MRAP2: variants seen among roughly 807,000 people sequenced by gnomAD.
The protein encoded by MRAP2 is melanocortin 2 receptor accessory protein 2.
MRAP2 carries 20 observed loss-of-function variants against 17.4 expected under a neutral mutation model. The observed-to-expected ratio is 1.15, with a 90% confidence interval of 0.81 to 1.67. MRAP2 has a LOEUF of 1.67. Ranked by LOEUF, MRAP2 falls within the 40% of genes most tolerant of loss-of-function variation. The pLI, the probability that MRAP2 is intolerant of heterozygous loss-of-function variation, is 0.00. For missense variants in MRAP2, 238 were observed against 240.0 expected, an observed-to-expected ratio of 0.99 and a Z score of 0.05; for synonymous variants, 96 against 88.4, an observed-to-expected ratio of 1.09 and a Z score of -0.48.
intron 1 of MRAP2, chr6:84,052,711 C>T (rs2099490750): frequency 2.7e-5 from 16 of 596,462 alleles, no homozygotes; most frequent in Non-Finnish European, 3.2e-5. Context: ...TGAAGGCTAC[C>T]CAGGCAACTG....
At chr6:84,071,767 C>T (rs986715655) in intron 3 of MRAP2, among the ~76,000 whole-genome samples, 3 of 152,046 alleles carry the variant, frequency 2.0e-5, no homozygotes, top group African/African-American at 7.2e-5. Context: ...TTGGAGGCTT[C>T]TTTCGTATTT....
chr6:84,107,091 A>G, the MRAP2 span, among the ~76,000 whole-genome samples: 18 of 152,234 alleles, frequency 1.2e-4, no homozygotes, highest in East Asian at 3.1e-3. Context: ...CTCAAGCACC[A>G]TTGGATCTGC....
chr6:84,131,940 T>A, the MRAP2 span, among the ~76,000 whole-genome samples: 3 of 152,238 alleles, frequency 2.0e-5, no homozygotes, highest in Non-Finnish European at 4.4e-5. Context: ...CTAGCACTGA[T>A]GGTCTTTACA....
chr6:84,136,897 C>T, the MRAP2 span, among the ~76,000 whole-genome samples: 6 of 152,278 alleles, frequency 3.9e-5, no homozygotes, highest in Admixed American at 6.5e-5. Flanking sequence ...GAATGGCCAT[C>T]GGCCACACAC....
At chr6:84,111,126 T>C in the MRAP2 span, among the ~76,000 whole-genome samples, 1 of 152,186 alleles carries the variant, frequency 6.6e-6, no homozygotes, top group Admixed American at 6.5e-5. Flanking sequence ...TATTTTTTTT[T>C]CCAATTCTGT....
At chr6:84,078,482 C>A (rs2099498161) in intron 3 of MRAP2, among the ~76,000 whole-genome samples, 1 of 152,254 alleles carries the variant, frequency 6.6e-6, no homozygotes, top group Non-Finnish European at 1.5e-5. Context: ...ATTGACAACA[C>A]CAAATGTTGG....
chr6:84,049,981 C>CGTGTGTGT lies in MRAP2; in HGVS notation c.-7-5331_-7-5330insGTGTGTGT, dbSNP rs566111982. 4.1e-3 allele frequency among the ~76,000 whole-genome samples: 552 copies of CGTGTGTGT among 134,424 alleles called. 6 individuals carry two copies. Among genetic ancestry groups the CGTGTGTGT allele is most frequent in the African/African-American group, 0.017 (505 of 30,042 alleles). 88.2% of individuals were successfully genotyped at this position (134,424 alleles called of 152,430 possible). Reference sequence around the variant, plus strand: ...ACGAAGAGCCCAGCGTGCGTGCATTCATGTGTGTGTGTGTGTACGTGCGTG... The same window carrying CGTGTGTGT: ...ACGAAGAGCCCAGCGTGCGTGCATTCGTGTGTGTATGTGTGTGTGTGTGTACGTGCGTG... On this transcript the variant is annotated intron_variant, in intron 1 of 3. Coordinates refer to ENST00000257776, the MANE Select transcript of MRAP2 (RefSeq NM_138409.4).
the MRAP2 span, among the ~76,000 whole-genome samples, chr6:84,120,131 C>A: frequency 1.3e-5 from 2 of 152,184 alleles, no homozygotes; most frequent in African/African-American, 2.4e-5. Context: ...AGATAACTTA[C>A]AATTCTGATG....
intron 3 of MRAP2, among the ~76,000 whole-genome samples, chr6:84,084,988 T>G (rs2099500026): frequency 6.6e-6 from 1 of 150,808 alleles, no homozygotes; most frequent in African/African-American, 2.4e-5. Context: ...AGGGTACATG[T>G]GCACAACCTG....
intron 1 of MRAP2, among the ~76,000 whole-genome samples, chr6:84,042,449 T>TA (rs2099487839): frequency 6.6e-6 from 1 of 152,198 alleles, no homozygotes; most frequent in Non-Finnish European, 1.5e-5. Context: ...ATTTGGTTCT[T>TA]ACAGTTTACT....
At chr6:84,102,433 A>G in the MRAP2 span, among the ~76,000 whole-genome samples, 2 of 152,142 alleles carry the variant, frequency 1.3e-5, no homozygotes, top group African/African-American at 4.8e-5. Flanking sequence ...GAGAGATGCA[A>G]AGTTGCTGGC....
chr6:84,064,382 T>A (rs1352615034), intron 3 of MRAP2, among the ~76,000 whole-genome samples: 2 of 152,138 alleles, frequency 1.3e-5, no homozygotes, highest in African/African-American at 2.4e-5. Context: ...AGAGGCTGCA[T>A]CAAAGGCTAG....
At chr6:84,115,565 C>A in the MRAP2 span, among the ~76,000 whole-genome samples, 11 of 152,070 alleles carry the variant, frequency 7.2e-5, no homozygotes, top group African/African-American at 2.4e-4. Context: ...GCTTCAGCCC[C>A]CTTTCTAGGG....
At chr6:84,035,025 C>G (rs932773099) in intron 1 of MRAP2, among the ~76,000 whole-genome samples, 1 of 152,012 alleles carries the variant, frequency 6.6e-6, no homozygotes, top group Non-Finnish European at 1.5e-5. Flanking sequence ...CTGGGGTACC[C>G]ACAAGGAGTT....
At chr6:84,102,881 G>T in the MRAP2 span, among the ~76,000 whole-genome samples, 2 of 152,172 alleles carry the variant, frequency 1.3e-5, no homozygotes, top group Admixed American at 1.3e-4. Context: ...TGTCAATGCT[G>T]TTGTAGACTA....
the MRAP2 span, among the ~76,000 whole-genome samples, chr6:84,128,768 G>A: frequency 2.0e-4 from 31 of 151,970 alleles, no homozygotes; most frequent in Admixed American, 5.2e-4. Flanking sequence ...AGGTATACAC[G>A]TGCCATGATG....
chr6:84,062,656 A>G lies in MRAP2; in HGVS notation c.128-237A>G, dbSNP rs2099493463. ...GTTCCTTCCTTGAGATATGGAAAGC[A>G]TGAGTCAATGAGGCCTAAATCCCTT... On this transcript the variant is annotated intron_variant, in intron 2 of 3. Coordinates refer to ENST00000257776, the MANE Select transcript of MRAP2 (RefSeq NM_138409.4). 4 of 985,320 alleles carry G rather than the reference A, an allele frequency of 4.1e-6. No homozygotes were observed. The South Asian group carries it at 1.4e-4, about 35-fold the overall frequency. The allele number at this position is 985,320 out of a possible 1,614,324, so 61.0% of individuals were successfully genotyped here.
intron 3 of MRAP2, among the ~76,000 whole-genome samples, chr6:84,073,888 GTTT>G (rs71549596): frequency 2.2e-5 from 3 of 137,876 alleles, no homozygotes. Flanking sequence ...GTGTGTGTGT[GTTT>G]TTTTTTTTTT....
At position 84,046,494 on chromosome 6, in the gene MRAP2, G is replaced by T. The variant is rs112980202; in HGVS notation, c.-7-8818G>T. Among the ~76,000 whole-genome samples, 965 of 152,184 alleles carry T rather than the reference G, an allele frequency of 6.3e-3. 15 individuals are homozygous for T. The highest frequency in any genetic ancestry group is 0.022 in the African/African-American group (902 of 41,520). ...CAGAAGGTAAAGCTTATAAAAAGGA[G>T]AATTTGGCTGGGTGCGGTGGCTCAT... On this transcript the variant is annotated intron_variant, in intron 1 of 3. Coordinates refer to ENST00000257776, the MANE Select transcript of MRAP2 (RefSeq NM_138409.4).
Sources: gnomAD v4.1 joint callset for allele counts (sites outside exome capture counted in the v4.1 genomes callset) on GRCh38, gnomAD v4.1.1 for gene constraint, MANE v1.5 for transcripts, NCBI Gene and HGNC (gene_info 2026-07-23, HGNC 2026-07-21) for gene names.